The following RFTN1 variants were observed in gnomAD, a reference collection of about 807,000 sequenced individuals.
RFTN1 encodes raftlin, lipid raft linker 1.
In RFTN1, 26 loss-of-function variants were observed where a neutral mutation model predicts 46.5. The observed-to-expected ratio is 0.56, with a 90% CI of 0.41 to 0.78. RFTN1 has a LOEUF of 0.78. Ranked by LOEUF, RFTN1 falls within the 30% of genes least tolerant of loss-of-function variation. The pLI is 0.00. For missense variants in RFTN1, 693 were observed against 718.7 expected (o/e 0.96, Z 0.41); for synonymous variants, 261 against 284.2 (o/e 0.92, Z 0.82).
At chr3:16,357,822 C>T (rs1335115144) in intron 7 of RFTN1, 110 bp downstream of exon 7, 5 of 710,840 alleles carry the variant, frequency 7.0e-6, no homozygotes, top group African/African-American at 3.6e-5. Flanking sequence ...GGTCAACTCC[C>T]TCTCAGAAGA....
chr3:16,415,430 T>TATATATACACACACACACACACACACAC, intron 3 of RFTN1, among the ~76,000 whole-genome samples: 4 of 114,346 alleles, frequency 3.5e-5, no homozygotes, highest in Admixed American at 9.9e-5. Context: ...TATATATATA[T>TATATATACACACACACACACACACACAC]ACACACACAC....
chr3:16,501,030 G>A (rs1464329039), intron 1 of RFTN1, among the ~76,000 whole-genome samples: 1 of 152,162 alleles, frequency 6.6e-6, no homozygotes, highest in Non-Finnish European at 1.5e-5. Flanking sequence ...CCAGCTACTT[G>A]GGAGGCCGAG....
At chr3:16,398,464 G>A (rs1195039209) in intron 4 of RFTN1, among the ~76,000 whole-genome samples, 1 of 152,104 alleles carries the variant, frequency 6.6e-6, no homozygotes, top group Non-Finnish European at 1.5e-5. Context: ...AAACATGAGT[G>A]TCTGCTGTGA....
Position 16,507,753 on chromosome 3 carries a change from TCA to T in RFTN1, c.-9+5687_-9+5688del, listed in dbSNP as rs1324388193. Among the ~76,000 whole-genome samples, 4 of 142,482 alleles carry T rather than the reference TCA, an allele frequency of 2.8e-5. No individual in the cohort carries two copies. The highest frequency in any genetic ancestry group is 5.4e-5 in the African/African-American group (2 of 37,150). The allele number at this position is 142,482 out of a possible 152,430, so 93.5% of individuals were successfully genotyped here. On this transcript the variant is annotated intron_variant, in intron 1 of 9. Transcript: ENST00000334133. This position sits in a 1 kb window ranked among gnomAD's most constrained non-coding sequence, Gnocchi z 7.1. ...AACACATACACACATACATGCACACTCACATACACACAAACACACACATACAC... is the reference window on the plus strand; with the variant it reads ...AACACATACACACATACATGCACACTCATACACACAAACACACACATACAC...
At position 16,352,564 on chromosome 3, in the gene RFTN1, A is replaced by G. The variant is rs750419539; in HGVS notation, c.1146+5368T>C. 3.9e-5 allele frequency among the ~76,000 whole-genome samples: 6 copies of G among 152,160 alleles called. No homozygotes were observed. The highest frequency in any genetic ancestry group is 8.8e-5 in the Non-Finnish European group (6 of 68,028). ...TAGGTTTCCAACCGAGCAAAATGCA[A>G]TTATTTGTATTTGACTCTACAGGTT... is the stretch of plus-strand genomic sequence containing the variant. On this transcript the variant is annotated intron_variant, in intron 7 of 9. Coordinates refer to ENST00000334133, the MANE Select transcript of RFTN1 (RefSeq NM_015150.2). This position sits in a 1 kb window ranked among gnomAD's most constrained non-coding sequence, Gnocchi z 4.6.
chr3:16,495,476 T>C (rs1322496499), intron 1 of RFTN1, among the ~76,000 whole-genome samples: 1 of 152,228 alleles, frequency 6.6e-6, no homozygotes, highest in Non-Finnish European at 1.5e-5. Context: ...AATGTGGTCT[T>C]TGCCCTCAAG....
At chr3:16,350,800 CT>C (rs2072047170) in intron 7 of RFTN1, among the ~76,000 whole-genome samples, 1 of 152,134 alleles carries the variant, frequency 6.6e-6, no homozygotes, top group African/African-American at 2.4e-5. Flanking sequence ...GAACTGCTGT[CT>C]TTGGCACTAA....
At position 16,467,444 on chromosome 3, in the gene RFTN1, G is replaced by T. The variant is rs1195356455; in HGVS notation, c.145+26281C>A. Among the ~76,000 whole-genome samples the T allele has an allele frequency of 2.0e-5, 3 of 152,150 alleles. 1 individual carries two copies. The highest frequency in any genetic ancestry group is 2.0e-4 in the Admixed American group (3 of 15,274). On this transcript the variant is annotated intron_variant, in intron 2 of 9. Coordinates refer to ENST00000334133, the MANE Select transcript of RFTN1 (RefSeq NM_015150.2). Reference sequence around the variant, plus strand: ...ACACAGGCCCTACACACAGGACATGGCCCCGGCTGCCTCCGCTGCCCGCCA... The same window carrying T: ...ACACAGGCCCTACACACAGGACATGTCCCCGGCTGCCTCCGCTGCCCGCCA...
At chr3:16,464,111 C>T (rs1312278624) in intron 2 of RFTN1, among the ~76,000 whole-genome samples, 1 of 152,174 alleles carries the variant, frequency 6.6e-6, no homozygotes, top group Non-Finnish European at 1.5e-5. Flanking sequence ...TCGTCCCATG[C>T]AGTCCAGAAT....
At position 16,351,656 on chromosome 3, in the gene RFTN1, C is replaced by T. The variant is rs192125432; in HGVS notation, c.1146+6276G>A. 2.6e-5 allele frequency among the ~76,000 whole-genome samples: 4 copies of T among 152,192 alleles called. No individual in the cohort carries two copies. Among genetic ancestry groups the T allele is most frequent in the African/African-American group, 9.7e-5 (4 of 41,446 alleles). ...GGATGCTCATGCCCTTCTGACCTCACCAACTGAGCACTTCAGGGGTAAGCT... is the reference window on the plus strand; with the variant it reads ...GGATGCTCATGCCCTTCTGACCTCATCAACTGAGCACTTCAGGGGTAAGCT... On this transcript the variant is annotated intron_variant, in intron 7 of 9. Transcript: ENST00000334133. The surrounding 1 kb of genome is among the most constrained non-coding windows in gnomAD (Gnocchi z 5.4).
In RFTN1 at chr3:16,385,164, T is replaced by A. The variant is rs1261582189; in HGVS notation, c.442-7062A>T. On this transcript the variant is annotated intron_variant, in intron 4 of 9. Coordinates refer to ENST00000334133, the MANE Select transcript of RFTN1 (RefSeq NM_015150.2). The surrounding 1 kb of genome is among the most constrained non-coding windows in gnomAD (Gnocchi z 5.0). Reference sequence around the variant, plus strand: ...AAGAACAGGTACAAAAATGCCATTCTGGGTTGCAGTTACACATGAGTCTTT... The same window carrying A: ...AAGAACAGGTACAAAAATGCCATTCAGGGTTGCAGTTACACATGAGTCTTT... 6.6e-6 allele frequency among the ~76,000 whole-genome samples: 1 copy of A among 152,216 alleles called. No homozygotes were observed.
intron 1 of RFTN1, among the ~76,000 whole-genome samples, chr3:16,511,960 C>A (rs1006955223): frequency 6.6e-6 from 1 of 152,062 alleles, no homozygotes; most frequent in Non-Finnish European, 1.5e-5. Flanking sequence ...CAGAGGATGA[C>A]GTGCCAGCTC....
chr3:16,317,329 G>A lies in RFTN1; in HGVS notation c.1333-97C>T. ...GCATTCATACCCACACCATGTCTGA[G>A]TGAGACATACAATTCCCAGCATCCC... On this transcript the variant is annotated intron_variant, in intron 9 of 9. Coordinates refer to ENST00000334133, the MANE Select transcript of RFTN1 (RefSeq NM_015150.2). The surrounding 1 kb of genome is among the most constrained non-coding windows in gnomAD (Gnocchi z 4.3). 1 of 1,291,574 alleles carries A rather than the reference G, an allele frequency of 7.7e-7. No homozygotes were observed. The highest frequency in any genetic ancestry group is 1.1e-6 in the Non-Finnish European group (1 of 926,862). 80.0% of individuals were successfully genotyped at this position (1,291,574 alleles called of 1,614,324 possible).
At position 16,469,230 on chromosome 3, in the gene RFTN1, T is replaced by C. The variant is rs187808004; in HGVS notation, c.145+24495A>G. ...ATCTGTAAAATGTGCATAATCATAGTATATACTTCACTGAGTGTTGTGGGG... is the reference window on the plus strand; with the variant it reads ...ATCTGTAAAATGTGCATAATCATAGCATATACTTCACTGAGTGTTGTGGGG... On this transcript the variant is annotated intron_variant, in intron 2 of 9. Coordinates refer to ENST00000334133, the MANE Select transcript of RFTN1 (RefSeq NM_015150.2). Among the ~76,000 whole-genome samples the C allele has an allele frequency of 2.6e-3, 390 of 152,358 alleles. 2 individuals are homozygous for C. Among genetic ancestry groups the C allele is most frequent in the African/African-American group, 9.0e-3 (373 of 41,570 alleles).
chr3:16,504,015 C>A lies in RFTN1; in HGVS notation c.-9+9427G>T, dbSNP rs180725268. Among the ~76,000 whole-genome samples the A allele has an allele frequency of 2.0e-4, 31 of 152,260 alleles. No homozygotes were observed. The highest frequency in any genetic ancestry group is 2.5e-4 in the Non-Finnish European group (17 of 68,014). ...CTATCTTTCTATCCCTGCGTGTACT[C>A]TTTTACAATCTATATATAACACCCA... On this transcript the variant is annotated intron_variant, in intron 1 of 9. Transcript: ENST00000334133. This position sits in a 1 kb window ranked among gnomAD's most constrained non-coding sequence, Gnocchi z 4.4.
chr3:16,465,066 A>G lies in RFTN1; in HGVS notation c.145+28659T>C, dbSNP rs2124935566. On this transcript the variant is annotated intron_variant, in intron 2 of 9. Transcript: ENST00000334133. This position sits in a 1 kb window ranked among gnomAD's most constrained non-coding sequence, Gnocchi z 5.1. ...GAGAGACAGAGGGGAATGAGTCTGA[A>G]GCAGACAGTCCCAGTAAGGAAAAGG... Among the ~76,000 whole-genome samples, 1 of 152,316 alleles carries G rather than the reference A, an allele frequency of 6.6e-6. No individual in the cohort carries two copies. The highest frequency in any genetic ancestry group is 6.5e-5 in the Admixed American group (1 of 15,294).
intron 5 of RFTN1, among the ~76,000 whole-genome samples, chr3:16,372,270 A>C (rs1279143966): frequency 6.6e-6 from 1 of 152,192 alleles, no homozygotes; most frequent in African/African-American, 2.4e-5. Flanking sequence ...CTCAATCCCA[A>C]CAAGGACCCT....
intron 2 of RFTN1, among the ~76,000 whole-genome samples, chr3:16,437,155 C>T (rs564556251): frequency 3.0e-4 from 45 of 152,254 alleles, no homozygotes; most frequent in African/African-American, 1.0e-3. Flanking sequence ...CCTAGTTATT[C>T]TATATTTTAT....
At position 16,402,193 on chromosome 3, in the gene RFTN1, T is replaced by C. The variant is rs2125424992; in HGVS notation, c.441+7182A>G. ...ACCTGAGTCACCCAGGTGTCATCCT[T>C]GGCACCTCTCTCTCCTTCAATGACA... On this transcript the variant is annotated intron_variant, in intron 4 of 9. Coordinates refer to ENST00000334133, the MANE Select transcript of RFTN1 (RefSeq NM_015150.2). This position sits in a 1 kb window ranked among gnomAD's most constrained non-coding sequence, Gnocchi z 4.5. Among the ~76,000 whole-genome samples the C allele has an allele frequency of 6.6e-6, 1 of 152,350 alleles. No individual in the cohort carries two copies. Among genetic ancestry groups the C allele is most frequent in the East Asian group, 1.9e-4 (1 of 5,194 alleles).
Sources: allele counts gnomAD v4.1 joint callset (sites outside exome capture counted in the v4.1 genomes callset), GRCh38; gene constraint gnomAD v4.1.1; non-coding constraint Gnocchi (gnomAD v3.1); transcripts MANE v1.5; gene names NCBI Gene and HGNC (gene_info 2026-07-23, HGNC 2026-07-21).